The following PTPN12 variants were observed in gnomAD, a reference collection of about 807,000 sequenced individuals.
The protein encoded by PTPN12 is protein tyrosine phosphatase non-receptor type 12, also known as tyrosine-protein phosphatase non-receptor type 12.
Under a neutral mutation model 97.6 loss-of-function variants are expected in PTPN12, and 29 were observed. That is an observed-to-expected ratio of 0.30 (90% confidence interval 0.22 to 0.41). The LOEUF (loss-of-function observed/expected upper bound fraction) is 0.41. Among genes scored for constraint, PTPN12 ranks in the 10% least tolerant of loss-of-function variants. PTPN12 has a pLI of 1.00. For synonymous variants in PTPN12, 327 were observed against 300.4 expected, an observed-to-expected ratio of 1.09 and a Z score of -0.91; for missense variants, 819 against 926.0, an observed-to-expected ratio of 0.88 and a Z score of 1.50.
Position 77,597,881 on chromosome 7 carries a change from C to T in PTPN12, c.532C>T (p.Leu178Phe). 6.2e-7 allele frequency: 1 copy of T among 1,612,606 alleles called. No homozygotes were observed. The highest frequency in any genetic ancestry group is 8.5e-7 in the Non-Finnish European group (1 of 1,179,436). The change falls in exon 7 of 18, where the codon CTC becomes TTC. Residue 178 changes from leucine (L) to phenylalanine (F), a missense_variant. Coordinates refer to ENST00000248594, the MANE Select transcript of PTPN12 (RefSeq NM_002835.4). ...QARTDYFIRT[L>F]LLEFQNESRR... The stretch of plus-strand genomic sequence containing the variant: ...AAGAACAGACTACTTCATCAGGACA[C>T]TCTTACTTGAATTTCAAAATGTAGG...
At chr7:77,573,998 T>A (rs796646705) in intron 2 of PTPN12, among the ~76,000 whole-genome samples, 7 of 152,286 alleles carry the variant, frequency 4.6e-5, no homozygotes, top group African/African-American at 1.4e-4. Flanking sequence ...TAACGTCAGG[T>A]CATCCGCCTC....
intron 1 of PTPN12, among the ~76,000 whole-genome samples, chr7:77,542,679 G>C (rs1807034429): frequency 6.6e-6 from 1 of 152,164 alleles, no homozygotes; most frequent in Non-Finnish European, 1.5e-5. Context: ...TGTCACCCAA[G>C]CTAGAGAATA....
Position 77,569,696 on chromosome 7 carries a change from G to C in PTPN12, c.100-1382G>C, listed in dbSNP as rs1808396003. On this transcript the variant is annotated intron_variant, in intron 1 of 17. Coordinates refer to ENST00000248594, the MANE Select transcript of PTPN12 (RefSeq NM_002835.4). Reference sequence around the variant, plus strand: ...TGAGGCACAAGAATTGCTTGAACCTGGGAAGCCGAGGTTGCAGTGGGCCGA... The same window carrying C: ...TGAGGCACAAGAATTGCTTGAACCTCGGAAGCCGAGGTTGCAGTGGGCCGA... Among the ~76,000 whole-genome samples, 10 of 152,116 alleles carry C rather than the reference G, an allele frequency of 6.6e-5. No homozygotes were observed. The South Asian group carries it at 2.1e-3, about 32-fold the overall frequency.
intron 1 of PTPN12, among the ~76,000 whole-genome samples, chr7:77,561,751 T>C (rs1395529351): frequency 7.1e-6 from 1 of 141,410 alleles, no homozygotes; most frequent in Non-Finnish European, 1.5e-5. Flanking sequence ...TCAATTTTAC[T>C]GTATGTTTTT....
intron 14 of PTPN12, 106 bp downstream of exon 14, chr7:77,632,531 A>C: frequency 1.2e-6 from 1 of 805,050 alleles, no homozygotes; most frequent in Non-Finnish European, 2.0e-6. Context: ...AATTAAATTC[A>C]AAAACAAGTA....
At chr7:77,537,672 T>G (rs1291719559) in intron 1 of PTPN12, 27 bp downstream of exon 1, 1 of 1,563,692 alleles carries the variant, frequency 6.4e-7, no homozygotes, top group Non-Finnish European at 8.7e-7. Flanking sequence ...GCTGTCGCGT[T>G]TTCTTGCCGG....
At chr7:77,603,430 A>G (rs1788250390) in intron 8 of PTPN12, among the ~76,000 whole-genome samples, 1 of 152,226 alleles carries the variant, frequency 6.6e-6, no homozygotes, top group African/African-American at 2.4e-5. Flanking sequence ...GGAGATAACC[A>G]TTGTTAAAAC....
chr7:77,605,409 G>GGTTTTTTGTTTTTTTTT (rs1554321255), intron 8 of PTPN12, among the ~76,000 whole-genome samples: 1 of 95,560 alleles, frequency 1.0e-5, no homozygotes, highest in Non-Finnish European at 2.0e-5. Context: ...TTTGTCATGA[G>GGTTTTTTGTTTTTTTTT]TTTTTTTTTT....
chr7:77,606,848 C>T (rs568933118), intron 8 of PTPN12: 15 of 166,382 alleles, frequency 9.0e-5, no homozygotes, highest in Non-Finnish European at 1.4e-4. Context: ...TCATGGTGTC[C>T]CAGTGGTTAT....
At position 77,537,582 on chromosome 7, in the gene PTPN12, G is replaced by C. The variant is rs899814691; in HGVS notation, c.36G>C (p.Gln12His). 1 of 1,602,386 alleles carries C rather than the reference G, an allele frequency of 6.2e-7. No homozygotes were observed. Among genetic ancestry groups the C allele is most frequent in the Non-Finnish European group, 8.5e-7 (1 of 1,175,640 alleles). Residue 12 changes from glutamine to histidine, a missense_variant, in exon 1 of 18, where the codon CAG (glutamine) becomes CAC (histidine). Transcript: ENST00000248594. ...TGGAGATCCTGAGGAAATTCATCCA[G>C]AGGGTCCAGGCCATGAAGAGTCCTG... is the stretch of plus-strand genomic sequence containing the variant. Reference protein sequence around the residue: ...EQVEILRKFIQRVQAMKSPDH... With the variant: ...EQVEILRKFIHRVQAMKSPDH...
chr7:77,618,280 T>C (rs1788819705), intron 11 of PTPN12, among the ~76,000 whole-genome samples, 200 bp from the exon 12 acceptor site: 1 of 152,146 alleles, frequency 6.6e-6, no homozygotes, highest in Non-Finnish European at 1.5e-5. Context: ...TGTGATGCGC[T>C]GTTTTTTTGA....
intron 1 of PTPN12, among the ~76,000 whole-genome samples, chr7:77,540,874 A>G (rs1034948575): frequency 6.6e-6 from 1 of 152,182 alleles, no homozygotes; most frequent in African/African-American, 2.4e-5. Context: ...CCTTAGAGAT[A>G]ATGTAGCTGA....
chr7:77,635,953 A>G lies in PTPN12; in HGVS notation c.2142+104A>G, dbSNP rs148511809. The stretch of plus-strand genomic sequence containing the variant: ...AGCTGTCATCTTAAGATCGTTAAAT[A>G]TAGTTTGTAATTTTTGATCGGCATT... On this transcript the variant is annotated intron_variant, in intron 15 of 17. Transcript: ENST00000248594. 49 of 675,064 alleles carry G rather than the reference A, an allele frequency of 7.3e-5. 1 individual carries two copies. The East Asian group carries it at 1.5e-3, about 20-fold the overall frequency. The allele number at this position is 675,064 out of a possible 1,614,324, so 41.8% of individuals were successfully genotyped here.
intron 14 of PTPN12, 47 bp downstream of exon 14, chr7:77,632,472 A>G (rs1184345852): frequency 2.2e-6 from 3 of 1,361,778 alleles, no homozygotes; most frequent in Non-Finnish European, 3.1e-6. Context: ...TCTAATAATA[A>G]ACTCCGAAAA....
intron 12 of PTPN12, among the ~76,000 whole-genome samples, chr7:77,623,714 A>G (rs1789027893): frequency 6.6e-6 from 1 of 152,254 alleles, no homozygotes; most frequent in African/African-American, 2.4e-5. Flanking sequence ...ACTCTGTCTC[A>G]ATAAAAAATA....
chr7:77,572,541 TTTG>T (rs3972370), intron 2 of PTPN12, among the ~76,000 whole-genome samples: 39,578 of 151,894 alleles, frequency 0.26, 5,223 homozygotes, highest in Non-Finnish European at 0.28. Flanking sequence ...CCTTCATCCT[TTTG>T]TTGTTCTACA....
intron 8 of PTPN12, among the ~76,000 whole-genome samples, chr7:77,603,772 T>G (rs1040174001): frequency 2.0e-5 from 3 of 152,324 alleles, no homozygotes; most frequent in Admixed American, 6.5e-5. Flanking sequence ...AATGAGTATT[T>G]TTTAATGTGT....
At chr7:77,609,261 T>TTCTC (rs199736127) in intron 9 of PTPN12, among the ~76,000 whole-genome samples, 4 of 138,214 alleles carry the variant, frequency 2.9e-5, no homozygotes, top group Admixed American at 7.9e-5. Flanking sequence ...TTGAACATAG[T>TTCTC]TCTCTCTCTC....
chr7:77,613,764 G>A (rs1788655299), intron 11 of PTPN12, among the ~76,000 whole-genome samples: 1 of 151,868 alleles, frequency 6.6e-6, no homozygotes, highest in Non-Finnish European at 1.5e-5. Context: ...TTTTTATAGA[G>A]ATGAGGTTTT....
Sources: gnomAD v4.1 joint callset for allele counts (sites outside exome capture counted in the v4.1 genomes callset) on GRCh38, gnomAD v4.1.1 for gene constraint, MANE v1.5 for transcripts, NCBI Gene and HGNC (gene_info 2026-07-23, HGNC 2026-07-21) for gene names.